The following SUGCT variants were observed in gnomAD, a reference collection of about 807,000 sequenced individuals.
SUGCT encodes succinyl-CoA:glutarate CoA-transferase.
SUGCT carries 41 observed loss-of-function variants against 55.0 expected under a neutral mutation model. The observed-to-expected ratio is 0.74, with a 90% CI of 0.58 to 0.97. The LOEUF is 0.97. Ranked by LOEUF, SUGCT falls within the 50% of genes least tolerant of loss-of-function variation. SUGCT has a pLI of 0.00. For synonymous variants in SUGCT, 187 were observed against 200.4 expected, an observed-to-expected ratio of 0.93 and a Z score of 0.56; for missense variants, 568 against 547.8, an observed-to-expected ratio of 1.04 and a Z score of -0.37.
chr7:40,711,618 A>G (rs928716254), intron 12 of SUGCT, among the ~76,000 whole-genome samples: 3 of 152,172 alleles, frequency 2.0e-5, no homozygotes, highest in Non-Finnish European at 4.4e-5. Context: ...TCTCTTTCCT[A>G]TCCAGTCCTC....
intron 7 of SUGCT, among the ~76,000 whole-genome samples, chr7:40,247,503 C>G (rs1433227772): frequency 6.6e-6 from 1 of 152,090 alleles, no homozygotes; most frequent in Admixed American, 6.6e-5. Context: ...ATTGATCCAC[C>G]CGCCTGGACC....
chr7:40,739,728 T>C (rs897145946), intron 12 of SUGCT, among the ~76,000 whole-genome samples: 2 of 152,146 alleles, frequency 1.3e-5, no homozygotes, highest in Admixed American at 6.6e-5. Context: ...TGTGTGGATC[T>C]ATTTCTGAGT....
intron 9 of SUGCT, among the ~76,000 whole-genome samples, chr7:40,373,638 G>T (rs923519661): frequency 6.6e-6 from 1 of 151,914 alleles, no homozygotes; most frequent in African/African-American, 2.4e-5. Flanking sequence ...GCATATTTTT[G>T]ATTGTCCTTG....
At chr7:40,346,097 T>C (rs1382312778) in intron 9 of SUGCT, among the ~76,000 whole-genome samples, 1 of 152,070 alleles carries the variant, frequency 6.6e-6, no homozygotes, top group Non-Finnish European at 1.5e-5. Context: ...CCTTTTCTAT[T>C]CTCTAGAAGA....
chr7:40,622,923 TGTAGGGA>T (rs1799342100), intron 12 of SUGCT, among the ~76,000 whole-genome samples: 1 of 152,218 alleles, frequency 6.6e-6, no homozygotes, highest in Admixed American at 6.5e-5. Context: ...TTGCCTAAGC[TGTAGGGA>T]GACTTTTTCC....
intron 9 of SUGCT, among the ~76,000 whole-genome samples, chr7:40,338,255 T>C (rs1374296749): frequency 6.6e-6 from 1 of 152,176 alleles, no homozygotes; most frequent in East Asian, 1.9e-4. Context: ...GGAGTATCTT[T>C]GTGGCATTCT....
intron 5 of SUGCT, among the ~76,000 whole-genome samples, 174 bp downstream of exon 5, chr7:40,189,768 A>C (rs1450484711): frequency 3.3e-5 from 5 of 152,116 alleles, no homozygotes; most frequent in Non-Finnish European, 1.5e-5. Context: ...GATGTGCTTT[A>C]AATTTTTTGT....
At chr7:40,291,361 T>C (rs1242744614) in intron 8 of SUGCT, among the ~76,000 whole-genome samples, 1 of 150,646 alleles carries the variant, frequency 6.6e-6, no homozygotes, top group Non-Finnish European at 1.5e-5. Context: ...TGCAGGGACA[T>C]GGATGAAACT....
At chr7:40,586,455 A>T (rs1422759884) in intron 12 of SUGCT, among the ~76,000 whole-genome samples, 2 of 152,198 alleles carry the variant, frequency 1.3e-5, no homozygotes, top group African/African-American at 4.8e-5. Context: ...CAGAATGGCA[A>T]TCTAAATGTG....
intron 7 of SUGCT, among the ~76,000 whole-genome samples, chr7:40,252,674 G>T (rs1037048492): frequency 6.6e-6 from 1 of 151,870 alleles, no homozygotes; most frequent in East Asian, 1.9e-4. Context: ...TTGAAATAGG[G>T]TCTTGCTGTG....
intron 1 of SUGCT, chr7:40,151,701 C>T (rs969502058): frequency 2.0e-5 from 4 of 195,390 alleles, no homozygotes; most frequent in Admixed American, 2.0e-4. Context: ...AGAAAGTGAC[C>T]TCAGAGGTGA....
chr7:40,895,247 T>C, the SUGCT span, among the ~76,000 whole-genome samples: 5 of 151,894 alleles, frequency 3.3e-5, no homozygotes, highest in Non-Finnish European at 5.9e-5. Flanking sequence ...CACTTATAAG[T>C]AGGAGCTCAA....
In SUGCT at chr7:40,439,431, C is replaced by T. The variant is rs895007532; in HGVS notation, c.817-9856C>T. On this transcript the variant is annotated intron_variant, in intron 9 of 13. Transcript: ENST00000335693. ...GGCTCATTGCTCAGTAACATTCTGG[C>T]GGATTTTCCTACACATATATCTTTT... Among the ~76,000 whole-genome samples, 9 of 151,944 alleles carry T rather than the reference C, an allele frequency of 5.9e-5. No homozygotes were observed. The South Asian group carries it at 8.4e-4, about 14-fold the overall frequency.
intron 13 of SUGCT, among the ~76,000 whole-genome samples, chr7:40,852,067 C>T (rs938200158): frequency 6.6e-6 from 1 of 152,172 alleles, no homozygotes; most frequent in Non-Finnish European, 1.5e-5. Flanking sequence ...ACTTGCATAG[C>T]TAAAGACCCA....
At chr7:40,253,022 T>G (rs1790543492) in intron 7 of SUGCT, among the ~76,000 whole-genome samples, 1 of 152,258 alleles carries the variant, frequency 6.6e-6, no homozygotes, top group South Asian at 2.1e-4. Flanking sequence ...TTTGATTTTT[T>G]ATCAGCAATT....
chr7:40,899,661 T>G, the SUGCT span, among the ~76,000 whole-genome samples: 1 of 152,110 alleles, frequency 6.6e-6, no homozygotes, highest in Admixed American at 6.5e-5. Context: ...TCCTACTTTT[T>G]TTTTTGCTGT....
chr7:40,945,715 A>G, the SUGCT span, among the ~76,000 whole-genome samples: 1 of 152,146 alleles, frequency 6.6e-6, no homozygotes, highest in Non-Finnish European at 1.5e-5. Context: ...ATTTGTTCCC[A>G]TGGGGTGCTC....
downstream of SUGCT, among the ~76,000 whole-genome samples, chr7:40,862,063 ATT>A (rs903153447): frequency 2.0e-5 from 3 of 152,202 alleles, no homozygotes; most frequent in Non-Finnish European, 4.4e-5. Flanking sequence ...AGGCCCGACC[ATT>A]TCTTCCGCTG....
At chr7:41,038,445 C>A in the SUGCT span, among the ~76,000 whole-genome samples, 1 of 152,228 alleles carries the variant, frequency 6.6e-6, no homozygotes, top group Non-Finnish European at 1.5e-5. Flanking sequence ...GTTCCGCAGG[C>A]CTGTTTTTAC....
Sources: allele counts gnomAD v4.1 joint callset (sites outside exome capture counted in the v4.1 genomes callset), GRCh38; gene constraint gnomAD v4.1.1; transcripts MANE v1.5; gene names NCBI Gene and HGNC (gene_info 2026-07-23, HGNC 2026-07-21).